OTUD7B: variants seen among roughly 807,000 people sequenced by gnomAD.
OTUD7B encodes the protein OTU deubiquitinase 7B, also known as OTU domain-containing protein 7B.
Under a neutral mutation model 82.2 loss-of-function variants are expected in OTUD7B, and 34 were observed. The ratio of observed to expected loss-of-function variants is 0.41; its 90% CI spans 0.31 to 0.55. The LOEUF (loss-of-function observed/expected upper bound fraction) is 0.55. Among genes scored for constraint, OTUD7B ranks in the 20% least tolerant of loss-of-function variants. The pLI is 0.20. For synonymous variants in OTUD7B, 398 were observed against 402.7 expected, an observed-to-expected ratio of 0.99 and a Z score of 0.14; for missense variants, 944 against 1,062.1, an observed-to-expected ratio of 0.89 and a Z score of 1.55.
chr1:149,960,389 C>CTTTTTTTTTTTTTTTTTTTTTTTTTTT lies in OTUD7B; in HGVS notation c.733-594_733-593insAAAAAAAAAAAAAAAAAAAAAAAAAAA, dbSNP rs1559837185. Among the ~76,000 whole-genome samples, 2 of 4,122 alleles carry CTTTTTTTTTTTTTTTTTTTTTTTTTTT rather than the reference C, an allele frequency of 4.9e-4. 1 individual carries two copies. Among genetic ancestry groups the CTTTTTTTTTTTTTTTTTTTTTTTTTTT allele is most frequent in the East Asian group, 0.016 (2 of 128 alleles). 2.7% of individuals were successfully genotyped at this position (4,122 alleles called of 152,430 possible). A position where few individuals can be genotyped will look rare whatever the true frequency, so the allele number is the denominator to read the frequency against. On this transcript the variant is annotated intron_variant, in intron 6 of 11. Coordinates refer to ENST00000581312, the MANE Select transcript of OTUD7B (RefSeq NM_020205.4). The stretch of plus-strand genomic sequence containing the variant: ...ATTTCTTTTCTTTTTCTTTTCTTTC[C>CTTTTTTTTTTTTTTTTTTTTTTTTTTT]TTTTTTTCTTTTTTTTTTTTTTGTA...
intron 2 of OTUD7B, among the ~76,000 whole-genome samples, chr1:149,974,550 A>T (rs1343613528): frequency 1.7e-4 from 5 of 29,396 alleles, no homozygotes; most frequent in African/African-American, 2.4e-4. Context: ...TTCTTAGTTA[A>T]CTTTTTTTTT....
the OTUD7B span, among the ~76,000 whole-genome samples, chr1:150,051,746 T>C: frequency 6.6e-6 from 1 of 152,182 alleles, no homozygotes; most frequent in Non-Finnish European, 1.5e-5. Context: ...GTGGTTGTTA[T>C]TATTTACTAC....
chr1:149,997,543 G>T (rs376023127), intron 1 of OTUD7B, among the ~76,000 whole-genome samples: 2 of 152,064 alleles, frequency 1.3e-5, no homozygotes, highest in South Asian at 4.1e-4. Flanking sequence ...CAGGGAGAGT[G>T]GGGGGACACT....
At chr1:150,013,871 G>T (rs1653175182), upstream of OTUD7B, among the ~76,000 whole-genome samples, 1 of 139,726 alleles carries the variant, frequency 7.2e-6, no homozygotes, top group Non-Finnish European at 1.5e-5. Flanking sequence ...GCAGTGAGAC[G>T]AGATCGCGCC....
Position 149,977,459 on chromosome 1 carries a change from C to T in OTUD7B, c.52G>A (p.Ala18Thr), listed in dbSNP as rs587651203. Reference protein sequence around the residue: ...VLSDFVRSTGAEPGLARDLLE... With the variant: ...VLSDFVRSTGTEPGLARDLLE... ...AGATCTCGCGCTAGCCCTGGCTCTGCTCCTGTGGAACGGACAAAATCTGAC... is the reference window on the plus strand; with the variant it reads ...AGATCTCGCGCTAGCCCTGGCTCTGTTCCTGTGGAACGGACAAAATCTGAC... Residue 18 changes from alanine to threonine, a missense_variant, in exon 2 of 12, where the codon GCA becomes ACA. Around this residue, in one of 3 missense-constraint regions of OTUD7B, gnomAD observed 530 missense variants for 625.6 expected, o/e 0.85. Coordinates refer to ENST00000581312, the MANE Select transcript of OTUD7B (RefSeq NM_020205.4). 1 of 1,614,090 alleles carries T rather than the reference C, an allele frequency of 6.2e-7. No individual in the cohort carries two copies. Among genetic ancestry groups the T allele is most frequent in the South Asian group, 1.1e-5 (1 of 91,078 alleles).
At chr1:150,054,291 T>C in the OTUD7B span, 2 of 478,636 alleles carry the variant, frequency 4.2e-6, no homozygotes, top group African/African-American at 2.0e-5. Context: ...TGAGCCAGGA[T>C]CACTCCCAAG....
chr1:150,032,025 A>G, the OTUD7B span, among the ~76,000 whole-genome samples: 1 of 152,218 alleles, frequency 6.6e-6, no homozygotes, highest in South Asian at 2.1e-4. Flanking sequence ...AAAGCACACC[A>G]TAAGGCCAGG....
intron 3 of OTUD7B, among the ~76,000 whole-genome samples, chr1:149,970,422 A>G (rs934230667): frequency 9.9e-5 from 15 of 151,640 alleles, no homozygotes; most frequent in Admixed American, 8.5e-4. Flanking sequence ...AAGTTCAAGC[A>G]ATTCTCCTGC....
chr1:149,948,564 G>A (rs1032648963), intron 10 of OTUD7B, among the ~76,000 whole-genome samples: 57 of 151,696 alleles, frequency 3.8e-4, no homozygotes, highest in African/African-American at 1.4e-3. Flanking sequence ...TAGAGACGAG[G>A]TTTCACCATA....
the OTUD7B span, chr1:150,054,686 TA>T: frequency 3.3e-6 from 1 of 304,646 alleles, no homozygotes. Context: ...CATGGGCCTG[TA>T]ATCCCAGCTA....
intron 1 of OTUD7B, among the ~76,000 whole-genome samples, chr1:149,995,520 A>C (rs2101911891): frequency 6.6e-6 from 1 of 152,204 alleles, no homozygotes; most frequent in Admixed American, 6.5e-5. Flanking sequence ...CAGGGGTTGC[A>C]GTGAGCCAAG....
chr1:150,025,369 C>G, the OTUD7B span, among the ~76,000 whole-genome samples: 1 of 151,634 alleles, frequency 6.6e-6, no homozygotes, highest in Non-Finnish European at 1.5e-5. Context: ...GAGCCGAGAT[C>G]GTGCCATTGC....
chr1:150,056,043 TTAAA>T, the OTUD7B span, among the ~76,000 whole-genome samples: 5 of 151,966 alleles, frequency 3.3e-5, no homozygotes, highest in African/African-American at 7.3e-5. Context: ...AAATAAAAGT[TTAAA>T]TAAATAAATA....
At chr1:149,948,623 G>A (rs922351612) in intron 10 of OTUD7B, among the ~76,000 whole-genome samples, 1 of 151,562 alleles carries the variant, frequency 6.6e-6, no homozygotes, top group Non-Finnish European at 1.5e-5. Context: ...ACCCACCTCA[G>A]CCTCCCAAAG....
chr1:149,993,949 A>G (rs1651762179), intron 1 of OTUD7B, among the ~76,000 whole-genome samples: 1 of 152,190 alleles, frequency 6.6e-6, no homozygotes, highest in South Asian at 2.1e-4. Context: ...GCAATGCTTC[A>G]CAATGACCAC....
In OTUD7B at chr1:149,950,237, G is replaced by A. The variant is rs1375824735; in HGVS notation, c.846-16C>T. On this transcript the variant is annotated splice_polypyrimidine_tract_variant and intron_variant, in intron 7 of 11. Transcript: ENST00000581312. ...ACTCTCCACCCTGGAACGACGGGAAGGGAGAGAGTGAAAAGGGTGCAGTAA... is the reference window on the plus strand; with the variant it reads ...ACTCTCCACCCTGGAACGACGGGAAAGGAGAGAGTGAAAAGGGTGCAGTAA... The A allele has an allele frequency of 1.2e-6, 2 of 1,613,326 alleles. No individual in the cohort carries two copies. Among genetic ancestry groups the A allele is most frequent in the African/African-American group, 2.7e-5 (2 of 74,902 alleles).
intron 1 of OTUD7B, among the ~76,000 whole-genome samples, chr1:149,992,284 C>T (rs1651622134): frequency 6.6e-6 from 1 of 152,034 alleles, no homozygotes; most frequent in South Asian, 2.1e-4. Context: ...TTGCTCATCA[C>T]TACTAAAGGT....
chr1:149,977,478 A>G lies in OTUD7B; in HGVS notation c.33T>C (p.Asp11=). Residue 11 remains aspartate, a synonymous_variant, in exon 2 of 12, where the codon GAT becomes GAC. Coordinates refer to ENST00000581312, the MANE Select transcript of OTUD7B (RefSeq NM_020205.4). ...GCTCTGCTCCTGTGGAACGGACAAA[A>G]TCTGACAGAACAGCATCCATGTCCA... MTLDMDAVLS[D]FVRSTGAEPG... 1 of 1,614,146 alleles carries G rather than the reference A, an allele frequency of 6.2e-7. No individual in the cohort carries two copies. Among genetic ancestry groups the G allele is most frequent in the Non-Finnish European group, 8.5e-7 (1 of 1,179,990 alleles).
chr1:149,966,585 A>G (rs1649533438), intron 4 of OTUD7B, among the ~76,000 whole-genome samples: 1 of 152,182 alleles, frequency 6.6e-6, no homozygotes, highest in Admixed American at 6.5e-5. Context: ...TTGCCAACCC[A>G]TTATTTACAT....
Sources: gnomAD v4.1 joint callset for allele counts (sites outside exome capture counted in the v4.1 genomes callset) on GRCh38, gnomAD v4.1.1 for gene constraint, gnomAD v4.1.1 regional missense constraint, MANE v1.5 for transcripts, NCBI Gene and HGNC (gene_info 2026-07-23, HGNC 2026-07-21) for gene names.